SLC10A2: variants seen among roughly 807,000 people sequenced by gnomAD.
SLC10A2 encodes ileal sodium/bile acid cotransporter.
Under a neutral mutation model 27.1 loss-of-function variants are expected in SLC10A2, and 34 were observed. That is an observed-to-expected ratio of 1.26 (90% CI 0.96 to 1.67). The LOEUF is 1.67. SLC10A2 is among the 40% of genes most tolerant of loss of function. SLC10A2 has a pLI of 0.00. For synonymous variants in SLC10A2, 205 were observed against 174.0 expected (o/e 1.18, Z -1.40); for missense variants, 530 against 444.4 (o/e 1.19, Z -1.73).
At chr13:103,061,944 A>T (rs1876133501) in intron 1 of SLC10A2, among the ~76,000 whole-genome samples, 1 of 152,234 alleles carries the variant, frequency 6.6e-6, no homozygotes, top group African/African-American at 2.4e-5. Context: ...TATATAAAAA[A>T]TACATACACT....
At chr13:103,052,281 A>C (rs1205096444) in intron 3 of SLC10A2, among the ~76,000 whole-genome samples, 1 of 152,182 alleles carries the variant, frequency 6.6e-6, no homozygotes, top group Non-Finnish European at 1.5e-5. Flanking sequence ...AGTTCAGTGG[A>C]GTGTCTTAAA....
chr13:103,064,746 T>TA (rs5806337), intron 1 of SLC10A2, among the ~76,000 whole-genome samples: 11 of 149,180 alleles, frequency 7.4e-5, no homozygotes, highest in African/African-American at 2.2e-4. Context: ...GGGCTTTCCT[T>TA]AAAAAAAAAA....
In SLC10A2 at chr13:103,044,293, T is replaced by G. The variant is rs201694135; in HGVS notation, c.*1840A>C. 6.6e-6 allele frequency: 1 copy of G among 152,180 alleles called. No individual in the cohort carries two copies. Among genetic ancestry groups the G allele is most frequent in the Non-Finnish European group, 1.5e-5 (1 of 68,046 alleles). The allele number at this position is 152,180 out of a possible 1,614,324, so 9.4% of individuals were successfully genotyped here. A position where few individuals can be genotyped will look rare whatever the true frequency, so the allele number is the denominator to read the frequency against. ...GCTGCTGGCATCCAGGCCCTTGATTTTGGGTGTGTTGAAATTACAAGAGGA... is the reference window on the plus strand; with the variant it reads ...GCTGCTGGCATCCAGGCCCTTGATTGTGGGTGTGTTGAAATTACAAGAGGA... On this transcript the variant is annotated 3_prime_UTR_variant, in exon 6 of 6. Transcript: ENST00000245312.
chr13:103,055,477 T>G (rs1019183687), intron 2 of SLC10A2, among the ~76,000 whole-genome samples: 1 of 152,278 alleles, frequency 6.6e-6, no homozygotes, highest in South Asian at 2.1e-4. Context: ...CCTGGTGACC[T>G]TGGGCAAATA....
chr13:103,063,885 A>G (rs1657163576), intron 1 of SLC10A2, among the ~76,000 whole-genome samples: 1 of 152,230 alleles, frequency 6.6e-6, no homozygotes, highest in South Asian at 2.1e-4. Flanking sequence ...AATAAGTGAT[A>G]GAGGATAAAT....
rs1220309971 is a variant in SLC10A2, at chr13:103,052,616, T to A, written c.585+4A>T. 6.3e-7 allele frequency: 1 copy of A among 1,585,102 alleles called. No individual in the cohort carries two copies. On this transcript the variant is annotated splice_donor_region_variant and intron_variant, in intron 3 of 5. Transcript: ENST00000245312. ...TATTTAATGGTGTGAACTGGGATAC[T>A]TACTTTAAGTATGATCTTTGCTTTT...
intron 2 of SLC10A2, among the ~76,000 whole-genome samples, 162 bp from the exon 3 acceptor site, chr13:103,052,870 A>T (rs1875828545): frequency 6.6e-6 from 1 of 152,170 alleles, no homozygotes; most frequent in South Asian, 2.1e-4. Context: ...ATGCACACAC[A>T]CACTCACTCA....
intron 2 of SLC10A2, among the ~76,000 whole-genome samples, chr13:103,056,832 AAGG>A (rs1235535501): frequency 6.6e-6 from 1 of 152,192 alleles, no homozygotes; most frequent in Non-Finnish European, 1.5e-5. Context: ...AGGGCATGTC[AAGG>A]AGGACAATTT....
chr13:103,052,749 G>T, intron 2 of SLC10A2, 41 bp from the exon 3 acceptor site: 1 of 1,234,584 alleles, frequency 8.1e-7, no homozygotes. Flanking sequence ...CAGAACAGGT[G>T]ACACAGGAAA....
At chr13:103,050,358 CTT>C (rs1875742457) in intron 4 of SLC10A2, among the ~76,000 whole-genome samples, 1 of 152,150 alleles carries the variant, frequency 6.6e-6, no homozygotes, top group African/African-American at 2.4e-5. Context: ...CCACTCCTCT[CTT>C]TCCCAACTTC....
At chr13:103,059,298 T>C (rs1037744120) in intron 1 of SLC10A2, among the ~76,000 whole-genome samples, 1 of 152,216 alleles carries the variant, frequency 6.6e-6, no homozygotes, top group Non-Finnish European at 1.5e-5. Context: ...CACTTTTTAA[T>C]GGGTTTGTTC....
chr13:103,062,460 C>G (rs576216118), intron 1 of SLC10A2, among the ~76,000 whole-genome samples: 5 of 152,334 alleles, frequency 3.3e-5, no homozygotes, highest in Non-Finnish European at 7.3e-5. Context: ...GTACTTAGCA[C>G]TGTGCATGGC....
chr13:103,046,421 C>T (rs1051982736), intron 5 of SLC10A2, among the ~76,000 whole-genome samples, 161 bp from the exon 6 acceptor site: 10 of 152,288 alleles, frequency 6.6e-5, no homozygotes, highest in African/African-American at 2.2e-4. Flanking sequence ...TCTATGGCTA[C>T]TCATGGCGAG....
At chr13:103,055,181 G>T (rs1875905641) in intron 2 of SLC10A2, among the ~76,000 whole-genome samples, 1 of 152,176 alleles carries the variant, frequency 6.6e-6, no homozygotes, top group South Asian at 2.1e-4. Flanking sequence ...AATGGGTGGA[G>T]TTATGTCTGC....
intron 3 of SLC10A2, 138 bp from the exon 4 acceptor site, chr13:103,051,570 G>GC: frequency 1.1e-6 from 1 of 905,270 alleles, no homozygotes; most frequent in Non-Finnish European, 1.8e-6. Flanking sequence ...TGTACTCCAA[G>GC]CCAGGAGGCT....
Position 103,046,205 on chromosome 13 carries a change from G to A in SLC10A2, c.975C>T (p.Ser325=). The part of the protein sequence containing the change: ...HGKNKAEIPE[S]KENGTEPESS... Reference sequence around the variant, plus strand: ...ACTCTGGCTCCGTTCCATTTTCTTTGCTCTCTGGAATTTCTGCCTTGTTTT... The same window carrying A: ...ACTCTGGCTCCGTTCCATTTTCTTTACTCTCTGGAATTTCTGCCTTGTTTT... The change falls in exon 6 of 6, where the codon AGC becomes AGT. Residue 325 remains serine (S), a synonymous_variant. Coordinates refer to ENST00000245312, the MANE Select transcript of SLC10A2 (RefSeq NM_000452.3). 1 of 1,613,592 alleles carries A rather than the reference G, an allele frequency of 6.2e-7. No individual in the cohort carries two copies. The highest frequency in any genetic ancestry group is 8.5e-7 in the Non-Finnish European group (1 of 1,179,696).
chr13:103,049,148 T>C, intron 5 of SLC10A2, 141 bp downstream of exon 5: 1 of 820,518 alleles, frequency 1.2e-6, no homozygotes, highest in Non-Finnish European at 2.0e-6. Context: ...TGGAAAGTCA[T>C]GATAATATGA....
At chr13:103,052,116 C>T (rs1224586744) in intron 3 of SLC10A2, among the ~76,000 whole-genome samples, 1 of 152,086 alleles carries the variant, frequency 6.6e-6, no homozygotes, top group African/African-American at 2.4e-5. Flanking sequence ...AATGGGATTG[C>T]CAGGCAATGA....
At chr13:103,051,158 G>T in intron 4 of SLC10A2, 99 bp downstream of exon 4, 1 of 1,175,914 alleles carries the variant, frequency 8.5e-7, no homozygotes, top group Non-Finnish European at 1.3e-6. Flanking sequence ...TGTTGTTTAA[G>T]CCACTCAGTT....
Sources: gnomAD v4.1 joint callset for allele counts (sites outside exome capture counted in the v4.1 genomes callset) on GRCh38, gnomAD v4.1.1 for gene constraint, MANE v1.5 for transcripts, NCBI Gene and HGNC (gene_info 2026-07-23, HGNC 2026-07-21) for gene names.